The following CYP26B1 variants were observed in gnomAD, a reference collection of about 807,000 sequenced individuals.
The protein encoded by CYP26B1 is cytochrome P450 26B1.
In CYP26B1, 8 loss-of-function variants were observed where a neutral mutation model predicts 39.1. That is an observed-to-expected ratio of 0.20 (90% confidence interval 0.12 to 0.37). The LOEUF is 0.37. Among genes scored for constraint, CYP26B1 ranks in the 10% least tolerant of loss-of-function variants. The pLI is 1.00. For missense variants in CYP26B1, 615 were observed against 707.0 expected, an observed-to-expected ratio of 0.87 and a Z score of 1.48; for synonymous variants, 321 against 314.3, an observed-to-expected ratio of 1.02 and a Z score of -0.23.
At chr2:72,133,761 C>T (rs1054021562) in intron 4 of CYP26B1, among the ~76,000 whole-genome samples, 1 of 152,178 alleles carries the variant, frequency 6.6e-6, no homozygotes, top group Non-Finnish European at 1.5e-5. Flanking sequence ...CTTCCTCCAT[C>T]GCAGGAGGAG....
chr2:72,142,876 A>T (rs1407540218), intron 2 of CYP26B1: 1 of 165,752 alleles, frequency 6.0e-6, no homozygotes, highest in Non-Finnish European at 1.5e-5. Flanking sequence ...GGGTGGGGGC[A>T]GGGATGCAAC....
At chr2:72,139,859 G>A (rs1233908226) in intron 2 of CYP26B1, among the ~76,000 whole-genome samples, 1 of 152,102 alleles carries the variant, frequency 6.6e-6, no homozygotes, top group East Asian at 1.9e-4. Flanking sequence ...GCTGCCCTCT[G>A]CCAGCCCTGA....
intron 2 of CYP26B1, among the ~76,000 whole-genome samples, chr2:72,137,791 A>T (rs938046277): frequency 6.6e-6 from 1 of 151,934 alleles, no homozygotes; most frequent in African/African-American, 2.4e-5. Context: ...TCCACACCTG[A>T]CCCCTGGGGG....
chr2:72,141,884 C>T (rs1676954024), intron 2 of CYP26B1, among the ~76,000 whole-genome samples: 1 of 152,162 alleles, frequency 6.6e-6, no homozygotes, highest in South Asian at 2.1e-4. Context: ...CCCTCCCCAC[C>T]AACATGCCCC....
chr2:72,139,274 C>G (rs947414730), intron 2 of CYP26B1, among the ~76,000 whole-genome samples: 2 of 152,188 alleles, frequency 1.3e-5, no homozygotes, highest in Non-Finnish European at 2.9e-5. Context: ...GGCAGGCAGC[C>G]GCTGAGGCAG....
intron 1 of CYP26B1, 152 bp from the exon 2 acceptor site, chr2:72,144,365 A>C (rs1479851245): frequency 6.9e-7 from 1 of 1,440,086 alleles, no homozygotes; most frequent in Admixed American, 2.8e-5. Context: ...TTTATTTTTC[A>C]TAGCGTGCAC....
chr2:72,134,678 G>T (rs1676703204), intron 4 of CYP26B1, 83 bp downstream of exon 4: 1 of 1,540,638 alleles, frequency 6.5e-7, no homozygotes, highest in Admixed American at 2.0e-5. Context: ...GGTAGAAATG[G>T]CTGGGCACAT....
intron 2 of CYP26B1, among the ~76,000 whole-genome samples, chr2:72,137,952 AC>A (rs1391645198): frequency 6.6e-6 from 1 of 152,190 alleles, no homozygotes; most frequent in African/African-American, 2.4e-5. Context: ...TTGCTGAGTG[AC>A]AGCCAGCAGG....
At chr2:72,136,019 C>A (rs77927580) in intron 2 of CYP26B1, among the ~76,000 whole-genome samples, 8,331 of 152,242 alleles carry the variant, frequency 0.055, 489 homozygotes, top group African/African-American at 0.14. Flanking sequence ...GGCCACTGTA[C>A]GCAGCCAGTG....
At chr2:72,136,474 A>G (rs1676780917) in intron 2 of CYP26B1, among the ~76,000 whole-genome samples, 1 of 152,216 alleles carries the variant, frequency 6.6e-6, no homozygotes, top group South Asian at 2.1e-4. Flanking sequence ...TTGCAGAAAT[A>G]ACAGTGCTGG....
At chr2:72,135,955 C>T (rs188143064) in intron 2 of CYP26B1, among the ~76,000 whole-genome samples, 117 of 152,212 alleles carry the variant, frequency 7.7e-4, no homozygotes, top group African/African-American at 2.6e-3. Flanking sequence ...GGCTTTCCAC[C>T]CCTAAAGATC....
chr2:72,144,972 C>T (rs571307706), intron 1 of CYP26B1, among the ~76,000 whole-genome samples: 1 of 151,986 alleles, frequency 6.6e-6, no homozygotes. Flanking sequence ...AAACGGCTGG[C>T]GGAGCCGGCC....
At chr2:72,134,981 AG>A (rs765075995) in intron 3 of CYP26B1, 65 bp from the exon 4 acceptor site, 2 of 1,606,364 alleles carry the variant, frequency 1.2e-6, no homozygotes, top group Non-Finnish European at 1.7e-6. Flanking sequence ...CGGGACCACC[AG>A]GGACGACTCC....
At position 72,132,124 on chromosome 2, in the gene CYP26B1, G is replaced by A; in HGVS notation, c.*103C>T. 3 of 1,324,912 alleles carry A rather than the reference G, an allele frequency of 2.3e-6. No homozygotes were observed. The highest frequency in any genetic ancestry group is 2.5e-5 in the East Asian group (1 of 39,648). The allele number at this position is 1,324,912 out of a possible 1,614,324, so 82.1% of individuals were successfully genotyped here. ...GGAGCAAGGGAGGGCAAGTATGGGG[G>A]CCACTCGCCCTCCCCGTTCCGGCCC... On this transcript the variant is annotated 3_prime_UTR_variant, in exon 6 of 6. Coordinates refer to ENST00000001146, the MANE Select transcript of CYP26B1 (RefSeq NM_019885.4).
At position 72,133,217 on chromosome 2, in the gene CYP26B1, C is replaced by T; in HGVS notation, c.952G>A (p.Val318Met). 6.2e-7 allele frequency: 1 copy of T among 1,612,368 alleles called. No individual in the cohort carries two copies. The highest frequency in any genetic ancestry group is 8.5e-7 in the Non-Finnish European group (1 of 1,179,712). ...AGCTCATCCCGCAGCTTCTCCAGCA[C>T]AGTGGGGTGCTTCAGCAGCTGCATG... ...LIMQLLKHPT[V>M]LEKLRDELRA... The change falls in exon 5 of 6, where the codon GTG becomes ATG. Residue 318 changes from valine (V) to methionine (M), a missense_variant. Coordinates refer to ENST00000001146, the MANE Select transcript of CYP26B1 (RefSeq NM_019885.4).
At chr2:72,144,719 C>G (rs1677068193) in intron 1 of CYP26B1, among the ~76,000 whole-genome samples, 1 of 152,230 alleles carries the variant, frequency 6.6e-6, no homozygotes, top group South Asian at 2.1e-4. Context: ...CGGTGTGGCC[C>G]GCGCAGGGAC....
chr2:72,132,331 C>A lies in CYP26B1; in HGVS notation c.1435G>T (p.Val479Phe), dbSNP rs148075682. The change falls in exon 6 of 6, where the codon GTC becomes TTC. Residue 479 changes from valine (V) to phenylalanine (F), a missense_variant. Physicochemically the swap from Val to Phe is conservative, Grantham distance 50 (BLOSUM62 -1). Coordinates refer to ENST00000001146, the MANE Select transcript of CYP26B1 (RefSeq NM_019885.4). ...RTFPRITLVP[V>F]LHPVDGLSVK... is the part of the protein sequence containing the mutation. ...CTGAGGCCATCCACGGGGTGCAGGA[C>A]GGGGACCAAGGTGATGCGGGGGAAG... 6.2e-7 allele frequency: 1 copy of A among 1,610,232 alleles called. No individual in the cohort carries two copies. The highest frequency in any genetic ancestry group is 8.5e-7 in the Non-Finnish European group (1 of 1,178,144).
At chr2:72,132,882 T>C (rs1676634405) in intron 5 of CYP26B1, 141 bp downstream of exon 5, 4 of 1,437,924 alleles carry the variant, frequency 2.8e-6, no homozygotes, top group East Asian at 2.5e-5. Flanking sequence ...ACTTCTCCCA[T>C]CGGACTGAAA....
rs758323100 is a variant in CYP26B1 at position 72,147,624 on chromosome 2, C to T, written c.204+7G>A. ...CCCGGAGTGCAGCGGAGCGAGCGCG[C>T]CCTTACCTGCAGCAGCCAGTGGCCG... is the stretch of plus-strand genomic sequence containing the variant. On this transcript the variant is annotated splice_region_variant and intron_variant, in intron 1 of 5. Transcript: ENST00000001146. The surrounding 1 kb of genome is among the most constrained non-coding windows in gnomAD (Gnocchi z 6.1). The T allele has an allele frequency of 6.7e-5, 108 of 1,606,978 alleles. No homozygotes were observed. Among genetic ancestry groups the T allele is most frequent in the Non-Finnish European group, 7.3e-5 (86 of 1,177,814 alleles).
Sources: gnomAD v4.1 joint callset for allele counts (sites outside exome capture counted in the v4.1 genomes callset) on GRCh38, gnomAD v4.1.1 for gene constraint, Gnocchi (gnomAD v3.1) non-coding constraint, MANE v1.5 for transcripts, NCBI Gene and HGNC (gene_info 2026-07-23, HGNC 2026-07-21) for gene names.